BDP1: variants seen among roughly 807,000 people sequenced by gnomAD.
BDP1 encodes transcription factor TFIIIB component B'' homolog.
BDP1 carries 169 observed loss-of-function variants against 266.6 expected under a neutral mutation model. That is an observed-to-expected ratio of 0.63 (90% CI 0.56 to 0.72). The LOEUF (loss-of-function observed/expected upper bound fraction) is 0.72. Ranked by LOEUF, BDP1 falls within the 30% of genes least tolerant of loss-of-function variation. The probability of loss-of-function intolerance (pLI) is 0.00; values close to 1 mark genes in which losing one functional copy is unlikely to be tolerated. For synonymous variants in BDP1, 1,090 were observed against 1,022.4 expected, an observed-to-expected ratio of 1.07 and a Z score of -1.26; for missense variants, 3,015 against 3,053.8, an observed-to-expected ratio of 0.99 and a Z score of 0.30.
At chr5:71,480,649 C>T (rs1249076054) in intron 7 of BDP1, among the ~76,000 whole-genome samples, 2 of 151,400 alleles carry the variant, frequency 1.3e-5, no homozygotes, top group Non-Finnish European at 2.9e-5. Flanking sequence ...TCACTGCAAC[C>T]TCTGCTTCCT....
chr5:71,514,354 A>C (rs1765106116), intron 19 of BDP1, among the ~76,000 whole-genome samples: 2 of 152,208 alleles, frequency 1.3e-5, no homozygotes, highest in Admixed American at 1.3e-4. Flanking sequence ...CTGATTATAG[A>C]AATTTTAATT....
intron 25 of BDP1, among the ~76,000 whole-genome samples, chr5:71,526,519 G>A (rs1182312495): frequency 6.8e-6 from 1 of 146,144 alleles, no homozygotes; most frequent in Non-Finnish European, 1.5e-5. Context: ...GGGAAGCTGA[G>A]ACAGGAGAAT....
chr5:71,509,578 CAAAG>C lies in BDP1; in HGVS notation c.2487_2490del (p.Glu831ArgfsTer3). 6.2e-7 allele frequency: 1 copy of C among 1,613,574 alleles called. No individual in the cohort carries two copies. The highest frequency in any genetic ancestry group is 8.5e-7 in the Non-Finnish European group (1 of 1,179,930). On this transcript the variant is annotated frameshift_variant, in exon 17 of 39. Transcript: ENST00000358731. LOFTEE classifies it high-confidence loss of function. ...GGAACTGGAAGGAGAGAAATTTCCT[CAAAG>C]GAAGAGGTACTAGAGAAGATTCTTG...
rs115655450 is a variant in BDP1, at chr5:71,489,996, A to G, written c.1492+314A>G. Among the ~76,000 whole-genome samples the G allele has an allele frequency of 5.5e-3, 833 of 152,314 alleles. 8 individuals carry two copies. The highest frequency in any genetic ancestry group is 0.019 in the African/African-American group (799 of 41,580). Reference sequence around the variant, plus strand: ...AAAGTATGTTGCTATGTCTGTCAATAAAGCACAGATTTTCATGTTGTACCT... The same window carrying G: ...AAAGTATGTTGCTATGTCTGTCAATGAAGCACAGATTTTCATGTTGTACCT... On this transcript the variant is annotated intron_variant, in intron 10 of 38. Coordinates refer to ENST00000358731, the MANE Select transcript of BDP1 (RefSeq NM_018429.3).
At chr5:71,511,919 T>G (rs975415099) in intron 17 of BDP1, among the ~76,000 whole-genome samples, 12 of 152,212 alleles carry the variant, frequency 7.9e-5, no homozygotes, top group African/African-American at 2.2e-4. Flanking sequence ...CCACCTGACT[T>G]ACTTCACTTC....
chr5:71,479,378 T>C (rs1242686846), intron 7 of BDP1, among the ~76,000 whole-genome samples: 1 of 152,054 alleles, frequency 6.6e-6, no homozygotes, highest in Admixed American at 6.6e-5. Flanking sequence ...ATTTCTCTGC[T>C]GAGATTTCCC....
In BDP1 at chr5:71,567,118, C is replaced by T. The variant is rs1442433140; in HGVS notation, c.*2233C>T. 1 of 152,098 alleles carries T rather than the reference C, an allele frequency of 6.6e-6. No individual in the cohort carries two copies. The highest frequency in any genetic ancestry group is 1.5e-5 in the Non-Finnish European group (1 of 68,012). 9.4% of individuals were successfully genotyped at this position (152,098 alleles called of 1,614,324 possible). A position where few individuals can be genotyped will look rare whatever the true frequency, so the allele number is the denominator to read the frequency against. ...TGTCACAGAAATCATGGTAGTAAATCACATTGCTATTTGAATACCCTGTTT... is the reference window on the plus strand; with the variant it reads ...TGTCACAGAAATCATGGTAGTAAATTACATTGCTATTTGAATACCCTGTTT... On this transcript the variant is annotated 3_prime_UTR_variant, in exon 39 of 39. Coordinates refer to ENST00000358731, the MANE Select transcript of BDP1 (RefSeq NM_018429.3).
At chr5:71,551,155 C>T (rs940581995) in intron 34 of BDP1, among the ~76,000 whole-genome samples, 8 of 151,576 alleles carry the variant, frequency 5.3e-5, no homozygotes, top group South Asian at 4.2e-4. Flanking sequence ...GGGTGTTTCT[C>T]GCAGAGGGGG....
chr5:71,548,455 T>C (rs1742492590), intron 32 of BDP1, among the ~76,000 whole-genome samples: 1 of 152,176 alleles, frequency 6.6e-6, no homozygotes, highest in African/African-American at 2.4e-5. Context: ...TCAAAAATCA[T>C]TTCATAAAAT....
At chr5:71,524,644 A>T (rs1025701232) in intron 25 of BDP1, among the ~76,000 whole-genome samples, 10 of 144,486 alleles carry the variant, frequency 6.9e-5, no homozygotes, top group African/African-American at 2.4e-4. Context: ...TTTTTTATTT[A>T]TTTTTTTTTA....
At chr5:71,466,615 A>G (rs1024601061) in intron 5 of BDP1, among the ~76,000 whole-genome samples, 1 of 152,204 alleles carries the variant, frequency 6.6e-6, no homozygotes, top group African/African-American at 2.4e-5. Context: ...ACTAATGGAT[A>G]TACAATGAAA....
Position 71,524,314 on chromosome 5 carries a change from A to G in BDP1, c.5763A>G (p.Thr1921=). The part of the protein sequence containing the change: ...PEPVSAQIEE[T]MEELEITVNV... Reference sequence around the variant, plus strand: ...CTGTTTCTGCTCAGATTGAGGAAACAATGGAAGAGGTTCGGTTTTTTTTTA... The same window carrying G: ...CTGTTTCTGCTCAGATTGAGGAAACGATGGAAGAGGTTCGGTTTTTTTTTA... Residue 1921 remains threonine, a synonymous_variant, in exon 25 of 39, where the codon ACA becomes ACG. Transcript: ENST00000358731. The G allele has an allele frequency of 6.3e-7, 1 of 1,579,026 alleles. No homozygotes were observed. The highest frequency in any genetic ancestry group is 2.3e-5 in the East Asian group (1 of 44,206).
chr5:71,505,800 G>T (rs985576914), intron 16 of BDP1, among the ~76,000 whole-genome samples: 3 of 152,306 alleles, frequency 2.0e-5, no homozygotes, highest in Middle Eastern at 3.4e-3. Flanking sequence ...ATTAGAAGCT[G>T]CAGGGAGCTA....
intron 32 of BDP1, among the ~76,000 whole-genome samples, chr5:71,545,689 C>A (rs1742245148): frequency 6.6e-6 from 1 of 152,038 alleles, no homozygotes; most frequent in Admixed American, 6.6e-5. Context: ...AGTCATGTAA[C>A]CAATACATGA....
At chr5:71,493,749 T>C (rs1393553403) in intron 11 of BDP1, among the ~76,000 whole-genome samples, 1 of 152,090 alleles carries the variant, frequency 6.6e-6, no homozygotes, top group Non-Finnish European at 1.5e-5. Flanking sequence ...TGGTGTAGGG[T>C]TAGATGAATT....
At chr5:71,500,015 G>T (rs183258508) in intron 13 of BDP1, among the ~76,000 whole-genome samples, 51 of 152,240 alleles carry the variant, frequency 3.3e-4, no homozygotes, top group Admixed American at 2.6e-3. Context: ...GAAACTGACA[G>T]TCATAAATAA....
At chr5:71,511,380 G>A in intron 17 of BDP1, 1 of 464,064 alleles carries the variant, frequency 2.2e-6, no homozygotes, top group Non-Finnish European at 3.7e-6. Context: ...CACTTTGGGA[G>A]GCCAAGGTGG....
At chr5:71,476,489 TTTTA>T (rs1308263926) in intron 7 of BDP1, among the ~76,000 whole-genome samples, 4 of 152,088 alleles carry the variant, frequency 2.6e-5, no homozygotes, top group South Asian at 2.1e-4. Context: ...AATCTCAGCC[TTTTA>T]TTTGTTTGTT....
Position 71,565,976 on chromosome 5 carries a change from GTAGA to G in BDP1, c.*1094_*1097del, listed in dbSNP as rs778325772. 31 of 214,942 alleles carry G rather than the reference GTAGA, an allele frequency of 1.4e-4. No homozygotes were observed. The highest frequency in any genetic ancestry group is 2.6e-4 in the African/African-American group (11 of 42,268). 13.3% of individuals were successfully genotyped at this position (214,942 alleles called of 1,614,324 possible). A position where few individuals can be genotyped will look rare whatever the true frequency, so the allele number is the denominator to read the frequency against. ...TTTAGCTATTTTTACCCCTCAGATT[GTAGA>G]TAAAGAAGGCATTAAATTTATGTTT... On this transcript the variant is annotated 3_prime_UTR_variant, in exon 39 of 39. Transcript: ENST00000358731.
Sources: allele counts gnomAD v4.1 joint callset (sites outside exome capture counted in the v4.1 genomes callset), GRCh38; gene constraint gnomAD v4.1.1; transcripts MANE v1.5; gene names NCBI Gene and HGNC (gene_info 2026-07-23, HGNC 2026-07-21).